Variants in NEO1 observed in about 807,000 individuals in gnomAD.
NEO1 encodes neogenin.
In NEO1, 63 loss-of-function variants were observed where a neutral mutation model predicts 159.7. The observed-to-expected ratio is 0.39, with a 90% CI of 0.32 to 0.49. NEO1 has a LOEUF of 0.49. NEO1 is among the 20% of genes least tolerant of loss of function. The pLI is 0.85. For missense variants in NEO1, 1,615 were observed against 1,831.0 expected, an observed-to-expected ratio of 0.88 and a Z score of 2.15; for synonymous variants, 633 against 662.0, an observed-to-expected ratio of 0.96 and a Z score of 0.67.
intron 8 of NEO1, among the ~76,000 whole-genome samples, 183 bp downstream of exon 8, chr15:73,236,689 C>T (rs1412258561): frequency 6.6e-6 from 1 of 152,176 alleles, no homozygotes; most frequent in African/African-American, 2.4e-5. Context: ...CTGGTAGTCT[C>T]TCCTTTTCTG....
chr15:73,262,869 C>T (rs1313091052), intron 15 of NEO1, among the ~76,000 whole-genome samples: 1 of 152,174 alleles, frequency 6.6e-6, no homozygotes, highest in African/African-American at 2.4e-5. Context: ...TGGAGTACTA[C>T]TCAGCAATTA....
At chr15:73,260,588 T>C (rs980326050) in intron 15 of NEO1, 123 bp downstream of exon 15, 6 of 849,532 alleles carry the variant, frequency 7.1e-6, no homozygotes, top group Non-Finnish European at 1.0e-5. Context: ...CTGCATGTTA[T>C]TCACCTGAAT....
chr15:73,211,116 T>C (rs893550780), intron 7 of NEO1, among the ~76,000 whole-genome samples: 7 of 152,244 alleles, frequency 4.6e-5, no homozygotes, highest in Admixed American at 3.3e-4. Context: ...TATTGTAATA[T>C]CTTAAAAGCA....
intron 25 of NEO1, 83 bp from the exon 26 acceptor site, chr15:73,293,307 G>A: frequency 6.5e-7 from 1 of 1,534,564 alleles, no homozygotes; most frequent in South Asian, 1.2e-5. Flanking sequence ...AGGTGGGAAG[G>A]GGGTGACTTT....
chr15:73,140,087 C>G (rs147442309), intron 5 of NEO1, among the ~76,000 whole-genome samples: 146 of 152,230 alleles, frequency 9.6e-4, no homozygotes, highest in African/African-American at 3.4e-3. Context: ...CAGAGAAATG[C>G]AAATAAAAAC....
intron 2 of NEO1, among the ~76,000 whole-genome samples, chr15:73,120,223 T>TTGATCAAA (rs2071563581): frequency 1.3e-5 from 2 of 151,948 alleles, no homozygotes; most frequent in Non-Finnish European, 2.9e-5. Context: ...GATTTCCTCC[T>TTGATCAAA]TTCCCCAACT....
chr15:73,295,389 G>T (rs1278538971), intron 26 of NEO1, among the ~76,000 whole-genome samples: 2 of 151,740 alleles, frequency 1.3e-5, no homozygotes, highest in Non-Finnish European at 2.9e-5. Flanking sequence ...TCACATGCTA[G>T]GATGTGGTCC....
At chr15:73,269,962 T>A in intron 16 of NEO1, 48 bp from the exon 17 acceptor site, 1 of 1,419,586 alleles carries the variant, frequency 7.0e-7, no homozygotes, top group Non-Finnish European at 9.9e-7. Context: ...ATTTTATTTT[T>A]GTTTACATTA....
chr15:73,128,701 A>G (rs769342347), intron 4 of NEO1, among the ~76,000 whole-genome samples: 14 of 152,208 alleles, frequency 9.2e-5, no homozygotes, highest in African/African-American at 1.2e-4. Context: ...GTCAAGAGAA[A>G]TAGAGGTAAG....
At chr15:73,163,961 G>T (rs1415188109) in intron 5 of NEO1, among the ~76,000 whole-genome samples, 2 of 151,832 alleles carry the variant, frequency 1.3e-5, no homozygotes, top group Non-Finnish European at 1.5e-5. Flanking sequence ...GTGTGGTAGG[G>T]GCCGGTGGTG....
intron 7 of NEO1, among the ~76,000 whole-genome samples, chr15:73,226,382 C>T (rs919265116): frequency 6.6e-6 from 1 of 152,178 alleles, no homozygotes; most frequent in Non-Finnish European, 1.5e-5. Context: ...CGGCTCTCTG[C>T]TAGACAGTAT....
At chr15:73,294,904 G>C (rs1481246853) in intron 26 of NEO1, among the ~76,000 whole-genome samples, 1 of 151,826 alleles carries the variant, frequency 6.6e-6, no homozygotes, top group East Asian at 1.9e-4. Flanking sequence ...CTTTATTAAG[G>C]GGTGCCTAAT....
intron 7 of NEO1, among the ~76,000 whole-genome samples, chr15:73,227,283 G>C (rs1003374827): frequency 1.3e-5 from 2 of 152,136 alleles, no homozygotes; most frequent in South Asian, 4.1e-4. Flanking sequence ...ATCACTTGAG[G>C]TCAGGAGTTC....
chr15:73,068,796 T>C (rs1035254638), intron 1 of NEO1, among the ~76,000 whole-genome samples: 3 of 152,224 alleles, frequency 2.0e-5, no homozygotes, highest in Non-Finnish European at 4.4e-5. Flanking sequence ...GGTATTTTGT[T>C]GTTGTTCTCA....
rs1477470351 is a variant in NEO1, at chr15:73,301,178, T to C, written c.4166-143T>C. The stretch of plus-strand genomic sequence containing the variant: ...CTGCTATCTCCCTCCTTCCCTCTTA[T>C]TCCAGTAACTTTTCAGAGCAGTATC... On this transcript the variant is annotated intron_variant, in intron 27 of 28. Coordinates refer to ENST00000261908, the MANE Select transcript of NEO1 (RefSeq NM_002499.4). 7 of 1,038,838 alleles carry C rather than the reference T, an allele frequency of 6.7e-6. No homozygotes were observed. In the South Asian group the frequency reaches 9.8e-5, roughly 15 times the overall value. The allele number at this position is 1,038,838 out of a possible 1,614,324, so 64.4% of individuals were successfully genotyped here.
intron 1 of NEO1, among the ~76,000 whole-genome samples, chr15:73,093,249 C>CA (rs1225061779): frequency 6.6e-6 from 1 of 152,174 alleles, no homozygotes; most frequent in East Asian, 1.9e-4. Flanking sequence ...TGACCTTGAT[C>CA]ACCTGGCTGA....
At chr15:73,218,987 C>CTT (rs2038069359) in intron 7 of NEO1, among the ~76,000 whole-genome samples, 1 of 151,742 alleles carries the variant, frequency 6.6e-6, no homozygotes, top group East Asian at 1.9e-4. Context: ...TTTGCTCTTG[C>CTT]TTCTCTAGTT....
At position 73,297,586 on chromosome 15, in the gene NEO1, G is replaced by A. The variant is rs186220194; in HGVS notation, c.3902-762G>A. ...CTAGTACACAAAGATTGGAGTCCAG[G>A]TCTGTCTGACTCCAGAGTCCGTGCT... On this transcript the variant is annotated intron_variant, in intron 26 of 28. Coordinates refer to ENST00000261908, the MANE Select transcript of NEO1 (RefSeq NM_002499.4). 3.3e-4 allele frequency among the ~76,000 whole-genome samples: 51 copies of A among 152,310 alleles called. No homozygotes were observed. The East Asian group carries it at 8.9e-3, about 27-fold the overall frequency.
intron 5 of NEO1, among the ~76,000 whole-genome samples, chr15:73,153,348 C>T (rs1168548023): frequency 6.6e-6 from 1 of 152,020 alleles, no homozygotes; most frequent in African/African-American, 2.4e-5. Flanking sequence ...TACTGTCACA[C>T]ATAGTATACT....
Sources: gnomAD v4.1 joint callset for allele counts (sites outside exome capture counted in the v4.1 genomes callset) on GRCh38, gnomAD v4.1.1 for gene constraint, MANE v1.5 for transcripts, NCBI Gene and HGNC (gene_info 2026-07-23, HGNC 2026-07-21) for gene names.